The following CCDC175 variants were observed in gnomAD, a reference collection of about 807,000 sequenced individuals.
CCDC175 encodes coiled-coil domain-containing protein 175.
In CCDC175, 100 loss-of-function variants were observed where a neutral mutation model predicts 114.6. That is an observed-to-expected ratio of 0.87 (90% CI 0.74 to 1.03). The LOEUF (loss-of-function observed/expected upper bound fraction) is 1.03, where lower values mean the gene tolerates loss of function less well. Among genes scored for constraint, CCDC175 ranks in the 50% least tolerant of loss-of-function variants. The pLI is 0.00. For missense variants in CCDC175, 880 were observed against 917.8 expected, an observed-to-expected ratio of 0.96 and a Z score of 0.53; for synonymous variants, 306 against 308.7, an observed-to-expected ratio of 0.99 and a Z score of 0.09.
intron 17 of CCDC175, among the ~76,000 whole-genome samples, chr14:59,517,089 T>C (rs1893137017): frequency 6.6e-6 from 1 of 152,212 alleles, no homozygotes; most frequent in Non-Finnish European, 1.5e-5. Context: ...TCTCAACAGA[T>C]GCAGAAAAGG....
At chr14:59,568,417 G>A in intron 3 of CCDC175, 37 bp from the exon 4 acceptor site, 6 of 1,449,870 alleles carry the variant, frequency 4.1e-6, no homozygotes, top group South Asian at 2.8e-5. Context: ...CATTATTTGA[G>A]GAAAAGCACA....
intron 19 of CCDC175, among the ~76,000 whole-genome samples, chr14:59,506,598 G>GT (rs1566588337): frequency 6.6e-6 from 1 of 152,082 alleles, no homozygotes. Context: ...GAGCACAGGG[G>GT]TTTTTTAAAA....
At chr14:59,554,707 A>G (rs1352917298) in intron 7 of CCDC175, among the ~76,000 whole-genome samples, 3 of 152,190 alleles carry the variant, frequency 2.0e-5, no homozygotes, top group Non-Finnish European at 4.4e-5. Flanking sequence ...AACAAAATTG[A>G]TAGACTGCTA....
At chr14:59,511,353 T>C (rs1203780043) in intron 18 of CCDC175, among the ~76,000 whole-genome samples, 1 of 152,108 alleles carries the variant, frequency 6.6e-6, no homozygotes, top group Non-Finnish European at 1.5e-5. Flanking sequence ...CCAGCCTATC[T>C]GACTCTGAAG....
intron 17 of CCDC175, among the ~76,000 whole-genome samples, chr14:59,519,752 C>T (rs561899472): frequency 3.3e-4 from 51 of 152,342 alleles, no homozygotes; most frequent in Non-Finnish European, 6.3e-4. Flanking sequence ...TATGACCCCT[C>T]CCCTTGCACC....
At chr14:59,552,135 C>T (rs984412167) in intron 7 of CCDC175, among the ~76,000 whole-genome samples, 15 of 152,202 alleles carry the variant, frequency 9.9e-5, no homozygotes, top group East Asian at 1.9e-4. Context: ...TCTCCCGGCA[C>T]GGAGTTTGAG....
chr14:59,534,255 C>A (rs1188164336), intron 13 of CCDC175, among the ~76,000 whole-genome samples: 1 of 152,126 alleles, frequency 6.6e-6, no homozygotes, highest in African/African-American at 2.4e-5. Flanking sequence ...CAGGTTCACA[C>A]GGTCTTCAGA....
chr14:59,525,018 T>C (rs1893663521), intron 16 of CCDC175, among the ~76,000 whole-genome samples: 1 of 152,128 alleles, frequency 6.6e-6, no homozygotes, highest in Non-Finnish European at 1.5e-5. Context: ...GTTAGCATGG[T>C]GGTACCCTTA....
intron 17 of CCDC175, among the ~76,000 whole-genome samples, chr14:59,518,931 A>G (rs1360468320): frequency 6.6e-6 from 1 of 152,248 alleles, no homozygotes; most frequent in Non-Finnish European, 1.5e-5. Flanking sequence ...ATGTCCAACA[A>G]CAATAGACTG....
At position 59,517,260 on chromosome 14, in the gene CCDC175, A is replaced by G. The variant is rs146734759; in HGVS notation, c.2098+4314T>C. Among the ~76,000 whole-genome samples, 659 of 152,332 alleles carry G rather than the reference A, an allele frequency of 4.3e-3. 5 individuals are homozygous for G. The highest frequency in any genetic ancestry group is 0.015 in the African/African-American group (619 of 41,572). On this transcript the variant is annotated intron_variant, in intron 17 of 19. Transcript: ENST00000537690. ...AAGCATTCCCTTGGAAAACTGGTACAAGACAGGGATGCCCTCTCTCACCAC... is the reference window on the plus strand; with the variant it reads ...AAGCATTCCCTTGGAAAACTGGTACGAGACAGGGATGCCCTCTCTCACCAC...
In CCDC175 at chr14:59,540,704, A is replaced by C. The variant is rs1274901508; in HGVS notation, c.1326T>G (p.Ser442Arg). 4.3e-5 allele frequency: 62 copies of C among 1,450,828 alleles called. No homozygotes were observed. Among genetic ancestry groups the C allele is most frequent in the Non-Finnish European group, 5.4e-5 (59 of 1,099,502 alleles). The allele number at this position is 1,450,828 out of a possible 1,614,324, so 89.9% of individuals were successfully genotyped here. A position where few individuals can be genotyped will look rare whatever the true frequency, so the allele number is the denominator to read the frequency against. ...TVYQQQIKIL[S>R]ANLERESQRC... is the part of the protein sequence containing the mutation. Reference sequence around the variant, plus strand: ...TCTGACTTTCTCTTTCCAGGTTAGCACTCAGGATTTTGATTTGTTGCTGAT... The same window carrying C: ...TCTGACTTTCTCTTTCCAGGTTAGCCCTCAGGATTTTGATTTGTTGCTGAT... Residue 442 changes from serine to arginine, a missense_variant, in exon 11 of 20, where the codon AGT becomes AGG. Coordinates refer to ENST00000537690, the MANE Select transcript of CCDC175 (RefSeq NM_001164399.2).
intron 17 of CCDC175, among the ~76,000 whole-genome samples, chr14:59,514,080 C>T (rs1381185005): frequency 1.3e-5 from 2 of 152,302 alleles, no homozygotes; most frequent in South Asian, 2.1e-4. Flanking sequence ...CTCCAGCAAA[C>T]TCCAACAGAC....
At chr14:59,551,930 C>T (rs972243712) in intron 7 of CCDC175, among the ~76,000 whole-genome samples, 7 of 152,182 alleles carry the variant, frequency 4.6e-5, no homozygotes, top group African/African-American at 7.2e-5. Flanking sequence ...GAGGGGCGCC[C>T]GCCATTGCCA....
intron 11 of CCDC175, among the ~76,000 whole-genome samples, chr14:59,540,133 A>G (rs1894680413): frequency 1.3e-5 from 2 of 152,218 alleles, no homozygotes; most frequent in South Asian, 2.1e-4. Flanking sequence ...AAGTATAAGC[A>G]AGAGCTTTTT....
At chr14:59,567,899 T>G (rs1896646880) in intron 4 of CCDC175, among the ~76,000 whole-genome samples, 1 of 152,234 alleles carries the variant, frequency 6.6e-6, no homozygotes, top group South Asian at 2.1e-4. Flanking sequence ...TTTGTAAACT[T>G]AATTCTACAA....
chr14:59,521,620 G>A lies in CCDC175; in HGVS notation c.2052C>T (p.Leu684=). Residue 684 remains leucine (L), a synonymous_variant, in exon 17 of 20, where the codon CTC becomes CTT. Coordinates refer to ENST00000537690, the MANE Select transcript of CCDC175 (RefSeq NM_001164399.2). ...GAGACAAGTCGCTTGAGGTGTGCAT[G>A]AGGGCTTCTTGTCCTTCTCTGTATT... ...IEKYREGQEA[L]MHTSSDLSRQ... The A allele has an allele frequency of 2.6e-6, 4 of 1,535,662 alleles. No individual in the cohort carries two copies. The highest frequency in any genetic ancestry group is 3.5e-6 in the Non-Finnish European group (4 of 1,145,344).
chr14:59,505,291 C>T lies in CCDC175; in HGVS notation c.2330G>A (p.Arg777Lys). The part of the protein sequence containing the change: ...LLKKKKHIRT[R>K]VHFPVVKCTE... ...ACATTTAACCACTGGGAAATGAACC[C>T]TTGTACGAATGTGTTTCTTCTTCTC... The change falls in exon 20 of 20, where the codon AGG becomes AAG. Residue 777 changes from arginine (R) to lysine (K), a missense_variant. Transcript: ENST00000537690. 6.6e-7 allele frequency: 1 copy of T among 1,503,774 alleles called. No individual in the cohort carries two copies. The highest frequency in any genetic ancestry group is 1.3e-5 in the South Asian group (1 of 78,686). The allele number at this position is 1,503,774 out of a possible 1,614,324, so 93.2% of individuals were successfully genotyped here. A position where few individuals can be genotyped will look rare whatever the true frequency, so the allele number is the denominator to read the frequency against.
At chr14:59,561,432 A>G (rs561516823) in intron 6 of CCDC175, among the ~76,000 whole-genome samples, 18 of 152,182 alleles carry the variant, frequency 1.2e-4, no homozygotes, top group African/African-American at 4.1e-4. Flanking sequence ...GAAAAAAACA[A>G]AATTTAGAGG....
chr14:59,512,807 T>G (rs1196165347), intron 17 of CCDC175, among the ~76,000 whole-genome samples: 1 of 4,094 alleles, frequency 2.4e-4, no homozygotes, highest in African/African-American at 7.2e-4. Flanking sequence ...TCAGCAGGGG[T>G]GTGTGTGTGT....
Sources: allele counts gnomAD v4.1 joint callset (sites outside exome capture counted in the v4.1 genomes callset), GRCh38; gene constraint gnomAD v4.1.1; transcripts MANE v1.5; gene names NCBI Gene and HGNC (gene_info 2026-07-23, HGNC 2026-07-21).